Variants in CCDC148 observed in about 807,000 individuals in gnomAD.
The protein encoded by CCDC148 is coiled-coil domain-containing protein 148.
In CCDC148, 89 loss-of-function variants were observed where a neutral mutation model predicts 85.7. That is an observed-to-expected ratio of 1.04 (90% CI 0.87 to 1.24). The LOEUF is 1.24. CCDC148 is among the 50% of genes most tolerant of loss of function. The pLI, the probability that CCDC148 is intolerant of heterozygous loss-of-function variation, is 0.00. For missense variants in CCDC148, 692 were observed against 671.7 expected, an observed-to-expected ratio of 1.03 and a Z score of -0.33; for synonymous variants, 230 against 213.9, an observed-to-expected ratio of 1.08 and a Z score of -0.66.
Position 158,176,842 on chromosome 2 carries a change from A to G in CCDC148, c.1489-181T>C, listed in dbSNP as rs1684614640. On this transcript the variant is annotated intron_variant, in intron 12 of 13. Coordinates refer to ENST00000283233, the MANE Select transcript of CCDC148 (RefSeq NM_138803.4). ...GAGATCCACAAAGGAGTTAAAACAA[A>G]ACAAGACAATACATATAAGACAAAA... 3.5e-5 allele frequency: 21 copies of G among 592,996 alleles called. No individual in the cohort carries two copies. The South Asian group carries it at 5.0e-4, about 14-fold the overall frequency. The allele number at this position is 592,996 out of a possible 1,614,324, so 36.7% of individuals were successfully genotyped here. A position where few individuals can be genotyped will look rare whatever the true frequency, so the allele number is the denominator to read the frequency against.
At chr2:158,252,628 ATT>A (rs1485718353) in intron 9 of CCDC148, among the ~76,000 whole-genome samples, 1 of 151,376 alleles carries the variant, frequency 6.6e-6, no homozygotes, top group African/African-American at 2.4e-5. Flanking sequence ...AGGTCATGAC[ATT>A]TCTCTCCCCT....
At chr2:158,312,591 AAAAAAACC>A (rs1270188979) in intron 8 of CCDC148, among the ~76,000 whole-genome samples, 190 of 151,022 alleles carry the variant, frequency 1.3e-3, no homozygotes, top group Non-Finnish European at 1.8e-3. Flanking sequence ...AAAAAAAAAA[AAAAAAACC>A]AAAAAACAAA....
intron 1 of CCDC148, among the ~76,000 whole-genome samples, chr2:158,373,284 C>T (rs967943397): frequency 2.0e-5 from 3 of 151,986 alleles, no homozygotes; most frequent in Non-Finnish European, 4.4e-5. Flanking sequence ...CTAGAGGCTC[C>T]AAAGGAATAC....
At position 158,456,732 on chromosome 2, in the gene CCDC148, G is replaced by C. The variant is rs1001449892; in HGVS notation, c.-293C>G. 4.3e-6 allele frequency: 2 copies of C among 461,754 alleles called. No individual in the cohort carries two copies. The highest frequency in any genetic ancestry group is 7.8e-6 in the Non-Finnish European group (2 of 256,156). 28.6% of individuals were successfully genotyped at this position (461,754 alleles called of 1,614,324 possible). On this transcript the variant is annotated 5_prime_UTR_variant, in exon 1 of 14. Coordinates refer to ENST00000283233, the MANE Select transcript of CCDC148 (RefSeq NM_138803.4). ...ACCCACCCTCTCCAGGCCCTCTCGCGCTGAACAGCATCGGTCTCTATGGCG... is the reference window on the plus strand; with the variant it reads ...ACCCACCCTCTCCAGGCCCTCTCGCCCTGAACAGCATCGGTCTCTATGGCG...
At chr2:158,309,020 T>A (rs899303408) in intron 9 of CCDC148, among the ~76,000 whole-genome samples, 2 of 152,210 alleles carry the variant, frequency 1.3e-5, no homozygotes, top group Non-Finnish European at 2.9e-5. Flanking sequence ...ATGTATTTCA[T>A]CATAAAGCCT....
intron 1 of CCDC148, among the ~76,000 whole-genome samples, chr2:158,440,044 C>G (rs931452920): frequency 6.6e-6 from 1 of 151,316 alleles, no homozygotes; most frequent in Non-Finnish European, 1.5e-5. Context: ...TTTACTATTA[C>G]TTTTAGTAGA....
chr2:158,296,730 G>A (rs1359522054), intron 9 of CCDC148, among the ~76,000 whole-genome samples: 1 of 152,156 alleles, frequency 6.6e-6, no homozygotes, highest in Admixed American at 6.5e-5. Context: ...AGACCCCAAT[G>A]CAGACAGATA....
intron 1 of CCDC148, among the ~76,000 whole-genome samples, chr2:158,436,749 A>G (rs1687671697): frequency 6.6e-6 from 1 of 152,212 alleles, no homozygotes; most frequent in Admixed American, 6.5e-5. Context: ...ATAAAAAGAA[A>G]AGAGAGAAGA....
chr2:158,456,505 T>A lies in CCDC148; in HGVS notation c.-66A>T, dbSNP rs1004893037. 1.3e-6 allele frequency: 2 copies of A among 1,575,452 alleles called. No individual in the cohort carries two copies. The highest frequency in any genetic ancestry group is 1.7e-6 in the Non-Finnish European group (2 of 1,160,522). ...GCAGGAAAAGTGAAACGCCCACTCC[T>A]GGGCTCTCGCCGTCAGGGGTACATC... is the stretch of plus-strand genomic sequence containing the variant. On this transcript the variant is annotated 5_prime_UTR_variant, in exon 1 of 14. Transcript: ENST00000283233.
At chr2:158,298,787 C>T (rs1050297337) in intron 9 of CCDC148, among the ~76,000 whole-genome samples, 1 of 152,052 alleles carries the variant, frequency 6.6e-6, no homozygotes, top group Non-Finnish European at 1.5e-5. Context: ...CTTCTATTTT[C>T]TTTAACAAAT....
At chr2:158,361,153 C>T (rs148328424) in intron 1 of CCDC148, among the ~76,000 whole-genome samples, 124 of 151,722 alleles carry the variant, frequency 8.2e-4, no homozygotes, top group African/African-American at 3.0e-3. Context: ...CAAACAAAGC[C>T]ACCAAGAAAT....
At chr2:158,201,997 T>C (rs1375472285) in intron 11 of CCDC148, among the ~76,000 whole-genome samples, 1 of 152,128 alleles carries the variant, frequency 6.6e-6, no homozygotes, top group African/African-American at 2.4e-5. Flanking sequence ...AAAGTGTGTG[T>C]GTGAAGGTAG....
chr2:158,438,085 A>T (rs1687749664), intron 1 of CCDC148, among the ~76,000 whole-genome samples: 1 of 152,204 alleles, frequency 6.6e-6, no homozygotes, highest in Non-Finnish European at 1.5e-5. Flanking sequence ...ATCCCCATCA[A>T]GCTACCAATG....
intron 7 of CCDC148, among the ~76,000 whole-genome samples, chr2:158,334,749 T>C (rs1253260530): frequency 3.9e-5 from 6 of 152,160 alleles, no homozygotes; most frequent in African/African-American, 1.4e-4. Flanking sequence ...TTTGTTCCAC[T>C]GATCTGCTAC....
chr2:158,339,829 G>C (rs929439030), intron 5 of CCDC148, among the ~76,000 whole-genome samples: 2 of 152,168 alleles, frequency 1.3e-5, no homozygotes, highest in African/African-American at 2.4e-5. Flanking sequence ...ATGGCAAAGT[G>C]GAAATGTCAG....
chr2:158,186,567 G>A (rs1283813502), intron 11 of CCDC148, among the ~76,000 whole-genome samples: 1 of 151,946 alleles, frequency 6.6e-6, no homozygotes, highest in African/African-American at 2.4e-5. Flanking sequence ...CACCTTCCAC[G>A]GTTCTTTTTC....
At chr2:158,429,147 C>T (rs1461011399) in intron 1 of CCDC148, among the ~76,000 whole-genome samples, 8 of 118,768 alleles carry the variant, frequency 6.7e-5, no homozygotes, top group Non-Finnish European at 8.9e-5. Context: ...GGGGTGGGGG[C>T]AGGGGGGAGG....
intron 9 of CCDC148, among the ~76,000 whole-genome samples, chr2:158,282,424 G>C (rs1690369524): frequency 6.6e-6 from 1 of 152,164 alleles, no homozygotes; most frequent in Non-Finnish European, 1.5e-5. Context: ...AGCAACTTCA[G>C]CAAAGTCTCA....
intron 11 of CCDC148, among the ~76,000 whole-genome samples, chr2:158,219,369 C>T (rs1038735784): frequency 6.6e-6 from 1 of 152,210 alleles, no homozygotes; most frequent in Admixed American, 6.5e-5. Context: ...TCTAAATCCA[C>T]CCTTCATTGT....
Sources: gnomAD v4.1 joint callset for allele counts (sites outside exome capture counted in the v4.1 genomes callset) on GRCh38, gnomAD v4.1.1 for gene constraint, MANE v1.5 for transcripts, NCBI Gene and HGNC (gene_info 2026-07-23, HGNC 2026-07-21) for gene names.